The following ZNF460 variants were observed in gnomAD, a reference collection of about 807,000 sequenced individuals.
The protein encoded by ZNF460 is zinc finger protein 460.
A neutral mutation model predicts 8.4 loss-of-function variants in ZNF460; 1 was observed. That is an observed-to-expected ratio of 0.12 (90% CI 0.04 to 0.56). The LOEUF is 0.56. Ranked by LOEUF, ZNF460 falls within the 20% of genes least tolerant of loss-of-function variation. The pLI is 0.91. For synonymous variants in ZNF460, 262 were observed against 259.9 expected (o/e 1.01, Z -0.08); for missense variants, 477 against 714.8 (o/e 0.67, Z 3.79).
At chr19:57,285,206 G>A (rs757727203) in intron 2 of ZNF460, among the ~76,000 whole-genome samples, 9 of 152,296 alleles carry the variant, frequency 5.9e-5, no homozygotes, top group South Asian at 2.1e-4. Context: ...TTTGGTCACA[G>A]CCAAAGGAGA....
rs758704607 is a variant in ZNF460 at position 57,280,795 on chromosome 19, G to A, written c.-12G>A. 1 of 1,614,032 alleles carries A rather than the reference G, an allele frequency of 6.2e-7. No homozygotes were observed. On this transcript the variant is annotated 5_prime_UTR_variant, in exon 1 of 3. Coordinates refer to ENST00000360338, the MANE Select transcript of ZNF460 (RefSeq NM_006635.4). ...GAAGGGCTGTGGTCGGCTGATCCGC[G>A]GCATTCCCGGGATGGCGGCGGCGTG...
chr19:57,287,360 A>G (rs2087887035), intron 2 of ZNF460, among the ~76,000 whole-genome samples: 1 of 152,032 alleles, frequency 6.6e-6, no homozygotes, highest in Non-Finnish European at 1.5e-5. Flanking sequence ...TGAGAGTATT[A>G]TTGTTCATAT....
intron 1 of ZNF460, among the ~76,000 whole-genome samples, chr19:57,282,703 C>T (rs556022613): frequency 6.6e-6 from 1 of 152,230 alleles, no homozygotes; most frequent in East Asian, 1.9e-4. Flanking sequence ...AGACCTGTGA[C>T]TTTGGGCTGG....
chr19:57,280,357 C>T (rs2087827007), upstream of ZNF460: 1 of 182,046 alleles, frequency 5.5e-6, no homozygotes, highest in Non-Finnish European at 1.2e-5. Flanking sequence ...AGGCACTGCC[C>T]CTTGCGTCGG....
chr19:57,289,987 A>C (rs1404100787), intron 2 of ZNF460, among the ~76,000 whole-genome samples: 2 of 151,924 alleles, frequency 1.3e-5, no homozygotes, highest in African/African-American at 4.8e-5. Context: ...AAAATACAAA[A>C]AAATTAGCCC....
In ZNF460 at chr19:57,292,731, C is replaced by T. The variant is rs2087927951; in HGVS notation, c.*501C>T. 6.3e-6 allele frequency: 1 copy of T among 159,326 alleles called. No homozygotes were observed. Among genetic ancestry groups the T allele is most frequent in the Non-Finnish European group, 1.4e-5 (1 of 71,832 alleles). The allele number at this position is 159,326 out of a possible 1,614,324, so 9.9% of individuals were successfully genotyped here. A position where few individuals can be genotyped will look rare whatever the true frequency, so the allele number is the denominator to read the frequency against. On this transcript the variant is annotated 3_prime_UTR_variant, in exon 3 of 3. Transcript: ENST00000360338. ...TTTCAGAAACAAAAGGGCCTCATCC[C>T]CTTTATTTTCCCTGTGTATACATTC...
Position 57,285,744 on chromosome 19 carries a change from G to A in ZNF460, c.157+1067G>A, listed in dbSNP as rs530206696. Among the ~76,000 whole-genome samples, 16 of 152,198 alleles carry A rather than the reference G, an allele frequency of 1.1e-4. No homozygotes were observed. In the East Asian group the frequency reaches 1.2e-3, roughly 11 times the overall value. ...ATTTTTCAGTGGTTCATGAAATGTC[G>A]AAGCGTGGAGTCACCACGTCTACCC... On this transcript the variant is annotated intron_variant, in intron 2 of 2. Coordinates refer to ENST00000360338, the MANE Select transcript of ZNF460 (RefSeq NM_006635.4).
chr19:57,288,895 C>CT (rs757310500), intron 2 of ZNF460, among the ~76,000 whole-genome samples: 3,922 of 139,612 alleles, frequency 0.028, 80 homozygotes, highest in African/African-American at 0.052. Flanking sequence ...ATTATTATTA[C>CT]TTTTTTTTTT....
chr19:57,286,814 A>G (rs946316641), intron 2 of ZNF460, among the ~76,000 whole-genome samples: 12 of 151,446 alleles, frequency 7.9e-5, no homozygotes, highest in African/African-American at 2.9e-4. Context: ...ATACAAAACA[A>G]TTAGCCAGGC....
chr19:57,292,110 C>A lies in ZNF460; in HGVS notation c.1569C>A (p.Ser523=). The change falls in exon 3 of 3, where the codon TCC becomes TCA. Residue 523 remains serine, a synonymous_variant. Coordinates refer to ENST00000360338, the MANE Select transcript of ZNF460 (RefSeq NM_006635.4). ...AGAGCACAGATCTCATTCAACACTC[C>A]ATCATCCACACTGAGAGTAGCCCAG... ...SCESTDLIQH[S]IIHTESSPVS... The A allele has an allele frequency of 1.9e-6, 3 of 1,614,172 alleles. No homozygotes were observed. The highest frequency in any genetic ancestry group is 2.5e-6 in the Non-Finnish European group (3 of 1,180,034).
In ZNF460 at chr19:57,288,262, G is replaced by A. The variant is rs1221115667; in HGVS notation, c.158-2437G>A. ...CTGTCGCCCAGGCTGGAGCGCAGTG[G>A]CACCATCATAGCTCACTGTAGCCTC... On this transcript the variant is annotated intron_variant, in intron 2 of 2. Transcript: ENST00000360338. Among the ~76,000 whole-genome samples, 3 of 152,078 alleles carry A rather than the reference G, an allele frequency of 2.0e-5. No individual in the cohort carries two copies. The South Asian group carries it at 6.2e-4, about 32-fold the overall frequency.
chr19:57,288,289 A>G (rs983755242), intron 2 of ZNF460, among the ~76,000 whole-genome samples: 5 of 152,280 alleles, frequency 3.3e-5, no homozygotes, highest in East Asian at 1.9e-4. Flanking sequence ...TGTAGCCTCA[A>G]ACTCCTGGGC....
rs1484344975 is a variant in ZNF460 at position 57,293,617 on chromosome 19, T to A, written c.*1387T>A. The A allele has an allele frequency of 2.0e-5, 3 of 152,224 alleles. No individual in the cohort carries two copies. Among genetic ancestry groups the A allele is most frequent in the Admixed American group, 1.3e-4 (2 of 15,272 alleles). The allele number at this position is 152,224 out of a possible 1,614,324, so 9.4% of individuals were successfully genotyped here. Reference sequence around the variant, plus strand: ...CTCAATCATTTATCATTTCTTTGTGTTTAGAAACATTCACAGTCTGCTTTT... The same window carrying A: ...CTCAATCATTTATCATTTCTTTGTGATTAGAAACATTCACAGTCTGCTTTT... On this transcript the variant is annotated 3_prime_UTR_variant, in exon 3 of 3. Transcript: ENST00000360338.
chr19:57,292,291 A>AAAAACCT lies in ZNF460; in HGVS notation c.*62_*63insAAACCTA. The AAAAACCT allele has an allele frequency of 6.6e-7, 1 of 1,506,612 alleles. No individual in the cohort carries two copies. Among genetic ancestry groups the AAAAACCT allele is most frequent in the Non-Finnish European group, 8.9e-7 (1 of 1,120,774 alleles). 93.3% of individuals were successfully genotyped at this position (1,506,612 alleles called of 1,614,324 possible). A position where few individuals can be genotyped will look rare whatever the true frequency, so the allele number is the denominator to read the frequency against. On this transcript the variant is annotated 3_prime_UTR_variant, in exon 3 of 3. Coordinates refer to ENST00000360338, the MANE Select transcript of ZNF460 (RefSeq NM_006635.4). Reference sequence around the variant, plus strand: ...AACATCCAAGAATTCCTATTAGCGAAATAGTTTTTTAATATAACCACTGAA... The same window carrying AAAAACCT: ...AACATCCAAGAATTCCTATTAGCGAAAAAACCTATAGTTTTTTAATATAACCACTGAA...
In ZNF460 at chr19:57,280,539, G is replaced by A; in HGVS notation, c.-268G>A. ...GGGCGCGTTCTGCGGCCTGAGCAGGGACGGGTAGTGAAGCGGTTACGCCCC... is the reference window on the plus strand; with the variant it reads ...GGGCGCGTTCTGCGGCCTGAGCAGGAACGGGTAGTGAAGCGGTTACGCCCC... On this transcript the variant is annotated 5_prime_UTR_variant, in exon 1 of 3. Coordinates refer to ENST00000360338, the MANE Select transcript of ZNF460 (RefSeq NM_006635.4). The A allele has an allele frequency of 1.8e-6, 1 of 552,498 alleles. No homozygotes were observed. The highest frequency in any genetic ancestry group is 3.2e-6 in the Non-Finnish European group (1 of 307,978). The allele number at this position is 552,498 out of a possible 1,614,324, so 34.2% of individuals were successfully genotyped here.
At chr19:57,288,597 C>G (rs2087895323) in intron 2 of ZNF460, among the ~76,000 whole-genome samples, 2 of 152,194 alleles carry the variant, frequency 1.3e-5, no homozygotes, top group Non-Finnish European at 2.9e-5. Context: ...TAAATCATTT[C>G]TCTGGCATCA....
At chr19:57,286,606 G>A (rs934173121) in intron 2 of ZNF460, among the ~76,000 whole-genome samples, 1 of 152,064 alleles carries the variant, frequency 6.6e-6, no homozygotes, top group African/African-American at 2.4e-5. Context: ...ATCATAATAA[G>A]ACTCCATCTT....
At chr19:57,282,717 T>C (rs2087848542) in intron 1 of ZNF460, among the ~76,000 whole-genome samples, 1 of 152,132 alleles carries the variant, frequency 6.6e-6, no homozygotes, top group Non-Finnish European at 1.5e-5. Flanking sequence ...GGGCTGGGCT[T>C]GGTGGCTCAC....
chr19:57,284,817 T>C (rs1412044969), intron 2 of ZNF460, 140 bp downstream of exon 2: 2 of 890,662 alleles, frequency 2.2e-6, no homozygotes, highest in Non-Finnish European at 3.0e-6. Context: ...TACTCTATTT[T>C]TTTTTTTTTT....
Sources: allele counts gnomAD v4.1 joint callset (sites outside exome capture counted in the v4.1 genomes callset), GRCh38; gene constraint gnomAD v4.1.1; transcripts MANE v1.5; gene names NCBI Gene and HGNC (gene_info 2026-07-23, HGNC 2026-07-21).